MIPEP: variants seen among roughly 807,000 people sequenced by gnomAD.
The protein encoded by MIPEP is mitochondrial intermediate peptidase.
Under a neutral mutation model 90.3 loss-of-function variants are expected in MIPEP, and 79 were observed. The observed-to-expected ratio is 0.87, with a 90% confidence interval of 0.73 to 1.05. The LOEUF is 1.05. MIPEP is among the 50% of genes least tolerant of loss of function. The pLI, the probability that MIPEP is intolerant of heterozygous loss-of-function variation, is 0.00. For synonymous variants in MIPEP, 334 were observed against 315.8 expected, an observed-to-expected ratio of 1.06 and a Z score of -0.61; for missense variants, 940 against 905.6, an observed-to-expected ratio of 1.04 and a Z score of -0.49.
chr13:23,839,788 C>T, intron 11 of MIPEP, 62 bp from the exon 12 acceptor site: 11 of 1,191,476 alleles, frequency 9.2e-6, no homozygotes, highest in Non-Finnish European at 1.3e-5. Context: ...AAATCCCTAA[C>T]ACAAGAATCT....
chr13:23,863,424 C>G lies in MIPEP; in HGVS notation c.992+717G>C, dbSNP rs576735898. On this transcript the variant is annotated intron_variant, in intron 8 of 18. Coordinates refer to ENST00000382172, the MANE Select transcript of MIPEP (RefSeq NM_005932.4). ...AAGTGGAAAATTCCACATGTGATGT[C>G]ATGTGATAGGTTGCAGCCAAAACTT... Among the ~76,000 whole-genome samples, 31 of 152,262 alleles carry G rather than the reference C, an allele frequency of 2.0e-4. 1 individual carries two copies. In the South Asian group the frequency reaches 5.2e-3, roughly 25 times the overall value.
intron 14 of MIPEP, among the ~76,000 whole-genome samples, chr13:23,833,007 ATACCT>A (rs1868845747): frequency 6.6e-6 from 1 of 152,184 alleles, no homozygotes; most frequent in African/African-American, 2.4e-5. Flanking sequence ...TTCTGATAAA[ATACCT>A]GTAGGTGTTA....
At chr13:23,738,448 GT>G (rs36091630) in intron 18 of MIPEP, among the ~76,000 whole-genome samples, 12,262 of 139,532 alleles carry the variant, frequency 0.088, 1,685 homozygotes, top group African/African-American at 0.3. Context: ...AAATTACTGA[GT>G]TTTTTTTTTT....
At chr13:23,756,382 T>C in intron 18 of MIPEP, 163 bp downstream of exon 18, 2 of 656,840 alleles carry the variant, frequency 3.0e-6, no homozygotes, top group Non-Finnish European at 5.3e-6. Context: ...CTCGAACTCC[T>C]GACCTCAGGT....
chr13:23,809,774 T>C (rs960555565), intron 15 of MIPEP, 76 bp downstream of exon 15: 25 of 898,294 alleles, frequency 2.8e-5, no homozygotes, highest in Non-Finnish European at 3.8e-5. Context: ...ATAGGTATCA[T>C]TGGCAAGAAT....
intron 16 of MIPEP, among the ~76,000 whole-genome samples, chr13:23,792,287 T>A (rs1258609095): frequency 6.6e-6 from 1 of 152,238 alleles, no homozygotes; most frequent in Admixed American, 6.5e-5. Flanking sequence ...TACATCCAAC[T>A]ACCTATTTGA....
intron 10 of MIPEP, among the ~76,000 whole-genome samples, chr13:23,843,616 G>A (rs1237203883): frequency 1.3e-5 from 2 of 152,152 alleles, no homozygotes; most frequent in African/African-American, 4.8e-5. Context: ...CCATTTGGGA[G>A]ACAGCTTCTG....
At chr13:23,776,486 A>G (rs1457553922) in intron 16 of MIPEP, among the ~76,000 whole-genome samples, 1 of 152,176 alleles carries the variant, frequency 6.6e-6, no homozygotes, top group Non-Finnish European at 1.5e-5. Flanking sequence ...ACACTTCTCT[A>G]TTTATAATAG....
intron 18 of MIPEP, among the ~76,000 whole-genome samples, chr13:23,733,632 G>C (rs2138476972): frequency 6.6e-6 from 1 of 152,340 alleles, no homozygotes; most frequent in African/African-American, 2.4e-5. Context: ...GTGGGAAATA[G>C]ACCAAGGACT....
intron 14 of MIPEP, among the ~76,000 whole-genome samples, chr13:23,817,649 G>C (rs1490772593): frequency 6.6e-6 from 1 of 152,078 alleles, no homozygotes; most frequent in Non-Finnish European, 1.5e-5. Context: ...TCCGATACCT[G>C]CATCACAAGA....
At chr13:23,737,494 T>A (rs996327809) in intron 18 of MIPEP, among the ~76,000 whole-genome samples, 1 of 152,194 alleles carries the variant, frequency 6.6e-6, no homozygotes, top group Non-Finnish European at 1.5e-5. Flanking sequence ...AAGGGGCTCC[T>A]AACTATGCAT....
intron 16 of MIPEP, among the ~76,000 whole-genome samples, chr13:23,761,496 T>A (rs2861535): frequency 0.99 from 151,147 of 152,258 alleles, 75,043 homozygotes; most frequent in East Asian, 1. Flanking sequence ...CAGGACAATG[T>A]AGTAGTTATG....
chr13:23,759,837 C>A (rs1411800828), intron 17 of MIPEP, among the ~76,000 whole-genome samples: 1 of 152,078 alleles, frequency 6.6e-6, no homozygotes, highest in Non-Finnish European at 1.5e-5. Context: ...ACAAGGGTTC[C>A]CTCAGACACC....
chr13:23,776,734 A>G (rs1045248340), intron 16 of MIPEP, among the ~76,000 whole-genome samples: 4 of 152,156 alleles, frequency 2.6e-5, no homozygotes, highest in African/African-American at 9.7e-5. Flanking sequence ...ACTGGGCAGG[A>G]TAAGTTAACA....
chr13:23,755,535 A>G (rs1952482451), intron 18 of MIPEP, among the ~76,000 whole-genome samples: 1 of 152,230 alleles, frequency 6.6e-6, no homozygotes, highest in African/African-American at 2.4e-5. Flanking sequence ...TATTTCCTAT[A>G]TGCACTTTTT....
At chr13:23,787,092 G>C (rs538501111) in intron 16 of MIPEP, among the ~76,000 whole-genome samples, 1 of 152,310 alleles carries the variant, frequency 6.6e-6, no homozygotes. Flanking sequence ...ATTGCTCAGT[G>C]CAAAGTATCC....
intron 16 of MIPEP, among the ~76,000 whole-genome samples, chr13:23,796,537 A>C (rs1438605897): frequency 6.6e-6 from 1 of 151,800 alleles, no homozygotes. Context: ...TAACAATGCC[A>C]TTTTCTCATG....
rs1331269030 is a variant in MIPEP at position 23,756,672 on chromosome 13, C to A, written c.1971-54G>T. 2.6e-6 allele frequency: 4 copies of A among 1,551,784 alleles called. No individual in the cohort carries two copies. In the East Asian group the frequency reaches 9.0e-5, roughly 35 times the overall value. On this transcript the variant is annotated intron_variant, in intron 17 of 18. Transcript: ENST00000382172. ...CCTGCTTGCACAGCCTCCATTCACA[C>A]TTGTCTTGAATTCTCAAAGAAAGCC...
chr13:23,758,878 A>C (rs547737531), intron 17 of MIPEP, among the ~76,000 whole-genome samples: 1 of 152,342 alleles, frequency 6.6e-6, no homozygotes, highest in South Asian at 2.1e-4. Context: ...GTCTTAGTCC[A>C]GTTTTTAATG....
Sources: gnomAD v4.1 joint callset for allele counts (sites outside exome capture counted in the v4.1 genomes callset) on GRCh38, gnomAD v4.1.1 for gene constraint, MANE v1.5 for transcripts, NCBI Gene and HGNC (gene_info 2026-07-23, HGNC 2026-07-21) for gene names.